Variants in PARD3B observed in about 807,000 individuals in gnomAD.
PARD3B encodes partitioning defective 3 homolog B.
A neutral mutation model predicts 130.2 loss-of-function variants in PARD3B; 103 were observed. The ratio of observed to expected loss-of-function variants is 0.79; its 90% CI spans 0.67 to 0.93. The LOEUF (loss-of-function observed/expected upper bound fraction) is 0.93. Among genes scored for constraint, PARD3B ranks in the 40% least tolerant of loss-of-function variants. The pLI, the probability that PARD3B is intolerant of heterozygous loss-of-function variation, is 0.00. For missense variants in PARD3B, 1,609 were observed against 1,499.2 expected, an observed-to-expected ratio of 1.07 and a Z score of -1.21; for synonymous variants, 583 against 553.2, an observed-to-expected ratio of 1.05 and a Z score of -0.76.
At chr2:205,222,067 T>C (rs1167557476) in intron 15 of PARD3B, among the ~76,000 whole-genome samples, 1 of 151,506 alleles carries the variant, frequency 6.6e-6, no homozygotes, top group African/African-American at 2.4e-5. Context: ...CAAGTATACC[T>C]AGGTAACAAA....
chr2:204,983,400 G>T (rs191590413), intron 3 of PARD3B, among the ~76,000 whole-genome samples: 7 of 149,048 alleles, frequency 4.7e-5, no homozygotes, highest in Non-Finnish European at 7.4e-5. Context: ...TGGTGGCTGT[G>T]GGGGGAGTCG....
At chr2:205,316,671 T>C (rs544301284) in intron 18 of PARD3B, among the ~76,000 whole-genome samples, 33 of 152,292 alleles carry the variant, frequency 2.2e-4, no homozygotes, top group African/African-American at 7.2e-4. Flanking sequence ...ATCACCATAA[T>C]TGGAGTTTAA....
At chr2:204,878,470 T>C (rs1358243560) in intron 2 of PARD3B, among the ~76,000 whole-genome samples, 1 of 152,222 alleles carries the variant, frequency 6.6e-6, no homozygotes, top group Non-Finnish European at 1.5e-5. Context: ...TTGCCATTTT[T>C]CCTTCCAAAT....
Position 205,263,366 on chromosome 2 carries a change from A to G in PARD3B, c.2185+17544A>G, listed in dbSNP as rs1199151139. Among the ~76,000 whole-genome samples, 3 of 141,710 alleles carry G rather than the reference A, an allele frequency of 2.1e-5. No homozygotes were observed. The highest frequency in any genetic ancestry group is 4.8e-5 in the Non-Finnish European group (3 of 62,910). 93.0% of individuals were successfully genotyped at this position (141,710 alleles called of 152,430 possible). ...GAGGTCCAAGCAAAAGCAGTGGATAACAGTGCAAACAGGAACTATTTACTG... is the reference window on the plus strand; with the variant it reads ...GAGGTCCAAGCAAAAGCAGTGGATAGCAGTGCAAACAGGAACTATTTACTG... On this transcript the variant is annotated intron_variant, in intron 16 of 22. Coordinates refer to ENST00000406610, the MANE Select transcript of PARD3B (RefSeq NM_001302769.2). The surrounding 1 kb of genome is among the most constrained non-coding windows in gnomAD (Gnocchi z 4.0).
intron 18 of PARD3B, among the ~76,000 whole-genome samples, chr2:205,394,704 C>T (rs2045965707): frequency 6.6e-6 from 1 of 152,162 alleles, no homozygotes; most frequent in South Asian, 2.1e-4. Flanking sequence ...AAGATGAGTC[C>T]TGAAGACCTT....
At chr2:205,450,466 CTTTTTTTTTTTT>C (rs869229400) in intron 20 of PARD3B, among the ~76,000 whole-genome samples, 2 of 78,378 alleles carry the variant, frequency 2.6e-5, no homozygotes, top group African/African-American at 1.1e-4. Flanking sequence ...AGTGCAGATT[CTTTTTTTTTTTT>C]TTTTTTTTTT....
intron 21 of PARD3B, among the ~76,000 whole-genome samples, chr2:205,524,373 C>T (rs1398066920): frequency 6.6e-6 from 1 of 152,132 alleles, no homozygotes; most frequent in Non-Finnish European, 1.5e-5. Flanking sequence ...ATTAACTACA[C>T]CTCCTGTTTA....
chr2:205,600,559 G>A (rs2054744822), intron 22 of PARD3B, among the ~76,000 whole-genome samples: 1 of 152,150 alleles, frequency 6.6e-6, no homozygotes. Context: ...TTGTAACACA[G>A]GTAAACGTGT....
intron 10 of PARD3B, among the ~76,000 whole-genome samples, chr2:205,133,345 A>G (rs1253212527): frequency 6.6e-6 from 1 of 152,218 alleles, no homozygotes; most frequent in Non-Finnish European, 1.5e-5. Flanking sequence ...TTGTTAGAAC[A>G]ATGGTTCTCA....
chr2:205,235,571 T>C (rs372502371), intron 15 of PARD3B, among the ~76,000 whole-genome samples: 2 of 152,068 alleles, frequency 1.3e-5, no homozygotes, highest in African/African-American at 4.8e-5. Flanking sequence ...CCACAATGGA[T>C]CTGATAACCA....
intron 2 of PARD3B, among the ~76,000 whole-genome samples, chr2:204,755,500 A>G (rs899504377): frequency 6.6e-6 from 1 of 152,184 alleles, no homozygotes; most frequent in Non-Finnish European, 1.5e-5. Context: ...AAGCAGATTA[A>G]TTATTGGCAA....
chr2:205,104,751 C>G lies in PARD3B; in HGVS notation c.593+237C>G, dbSNP rs150684384. On this transcript the variant is annotated intron_variant, in intron 5 of 22. Coordinates refer to ENST00000406610, the MANE Select transcript of PARD3B (RefSeq NM_001302769.2). ...AATCCATCCAATACTCTTCTGTACC[C>G]AGGATTTCTGAAATACTTTTTTCTC... is the stretch of plus-strand genomic sequence containing the variant. Among the ~76,000 whole-genome samples the G allele has an allele frequency of 2.6e-5, 4 of 152,148 alleles. No individual in the cohort carries two copies. In the East Asian group the frequency reaches 7.7e-4, roughly 29 times the overall value.
At chr2:205,496,185 A>G (rs958977878) in intron 20 of PARD3B, among the ~76,000 whole-genome samples, 27 of 152,176 alleles carry the variant, frequency 1.8e-4, no homozygotes, top group Non-Finnish European at 3.7e-4. Flanking sequence ...CTAAGTTTCT[A>G]CATCTTCAGT....
Position 205,358,117 on chromosome 2 carries a change from C to T in PARD3B, c.2631-42896C>T, listed in dbSNP as rs540840016. On this transcript the variant is annotated intron_variant, in intron 18 of 22. Coordinates refer to ENST00000406610, the MANE Select transcript of PARD3B (RefSeq NM_001302769.2). The stretch of plus-strand genomic sequence containing the variant: ...TTACCCCATTCTTAATTTTTGTCTC[C>T]TGAGTTTCCATAAATTATCTATGTA... Among the ~76,000 whole-genome samples, 5 of 152,248 alleles carry T rather than the reference C, an allele frequency of 3.3e-5. No homozygotes were observed. The South Asian group carries it at 8.3e-4, about 25-fold the overall frequency.
chr2:204,872,239 A>G (rs893282825), intron 2 of PARD3B, among the ~76,000 whole-genome samples: 1 of 152,106 alleles, frequency 6.6e-6, no homozygotes. Flanking sequence ...AATTTTATAC[A>G]TACACATTTT....
chr2:205,539,184 T>A (rs2052007437), intron 21 of PARD3B, among the ~76,000 whole-genome samples: 1 of 152,152 alleles, frequency 6.6e-6, no homozygotes, highest in South Asian at 2.1e-4. Flanking sequence ...CTTTTAGGAT[T>A]GTCTGACCTA....
At chr2:204,719,224 T>G (rs1359890909) in intron 2 of PARD3B, among the ~76,000 whole-genome samples, 1 of 152,194 alleles carries the variant, frequency 6.6e-6, no homozygotes, top group Non-Finnish European at 1.5e-5. Context: ...TGGAAAGTAT[T>G]TTGTTATAAT....
At chr2:205,574,769 CTTTTCTGTG>C (rs1260266173) in intron 22 of PARD3B, among the ~76,000 whole-genome samples, 1 of 147,108 alleles carries the variant, frequency 6.8e-6, no homozygotes, top group Non-Finnish European at 1.5e-5. Context: ...ATATCTTATT[CTTTTCTGTG>C]TTGACAAGGA....
intron 18 of PARD3B, among the ~76,000 whole-genome samples, chr2:205,303,321 C>T (rs2042078015): frequency 6.6e-6 from 1 of 152,136 alleles, no homozygotes; most frequent in Admixed American, 6.5e-5. Flanking sequence ...ATCAAGGAAT[C>T]TTTGTGGCTA....
Sources: allele counts gnomAD v4.1 joint callset (sites outside exome capture counted in the v4.1 genomes callset), GRCh38; gene constraint gnomAD v4.1.1; non-coding constraint Gnocchi (gnomAD v3.1); transcripts MANE v1.5; gene names NCBI Gene and HGNC (gene_info 2026-07-23, HGNC 2026-07-21).